The following AXIN2 variants were observed in gnomAD, a reference collection of about 807,000 sequenced individuals.
The protein encoded by AXIN2 is axin-2.
AXIN2 carries 21 observed loss-of-function variants against 74.7 expected under a neutral mutation model. The observed-to-expected ratio is 0.28, with a 90% CI of 0.20 to 0.40. AXIN2 has a LOEUF of 0.40. Ranked by LOEUF, AXIN2 falls within the 10% of genes least tolerant of loss-of-function variation. The probability of loss-of-function intolerance (pLI) is 1.00; values close to 1 mark genes in which losing one functional copy is unlikely to be tolerated. For synonymous variants in AXIN2, 532 were observed against 454.9 expected (o/e 1.17, Z -2.16); for missense variants, 1,144 against 1,111.1 (o/e 1.03, Z -0.42).
In AXIN2 at chr17:65,537,715, C is replaced by T. The variant is rs1555577991; in HGVS notation, c.1321G>A (p.Asp441Asn). Residue 441 changes from aspartate (D) to asparagine (N), a missense_variant, in exon 6 of 11, where the codon GAT becomes AAT. Transcript: ENST00000307078. ...YEEDPQTILD[D>N]HLSRVLKTPG... ...GTCTTGAGGACCCTGGACAGGTGATCGTCCAGTATCGTCTGCGGGTCTTCC... is the reference window on the plus strand; with the variant it reads ...GTCTTGAGGACCCTGGACAGGTGATTGTCCAGTATCGTCTGCGGGTCTTCC... The T allele has an allele frequency of 6.4e-7, 1 of 1,558,212 alleles. No individual in the cohort carries two copies. The highest frequency in any genetic ancestry group is 8.7e-7 in the Non-Finnish European group (1 of 1,151,262).
At chr17:65,538,149 A>G (rs763735512) in intron 5 of AXIN2, 54 bp downstream of exon 5, 16 of 1,613,160 alleles carry the variant, frequency 9.9e-6, no homozygotes, top group East Asian at 4.5e-5. Flanking sequence ...GCGCATACAC[A>G]TACGAGCGCT....
chr17:65,543,372 T>C (rs1246553812), intron 3 of AXIN2, among the ~76,000 whole-genome samples: 2 of 152,194 alleles, frequency 1.3e-5, no homozygotes, highest in Non-Finnish European at 2.9e-5. Context: ...ACTCTGTGTC[T>C]TCACCTTGGG....
intron 4 of AXIN2, among the ~76,000 whole-genome samples, chr17:65,538,739 A>C (rs1269504994): frequency 6.7e-6 from 1 of 148,654 alleles, no homozygotes; most frequent in Non-Finnish European, 1.5e-5. Flanking sequence ...GGAGAGACCA[A>C]CTCAAGGAAT....
In AXIN2 at chr17:65,558,043, G is replaced by A; in HGVS notation, c.578C>T (p.Ser193Phe). 6.2e-7 allele frequency: 1 copy of A among 1,614,070 alleles called. No homozygotes were observed. Among genetic ancestry groups the A allele is most frequent in the Non-Finnish European group, 8.5e-7 (1 of 1,180,030 alleles). The stretch of plus-strand genomic sequence containing the variant: ...CCTCACATATTCGAGGTATATATCA[G>A]AAGTCAAAAACATCTGGTAGGCATT... Reference protein sequence around the residue: ...EENAYQMFLTSDIYLEYVRSG... With the variant: ...EENAYQMFLTFDIYLEYVRSG... Residue 193 changes from serine (S) to phenylalanine (F), a missense_variant, in exon 2 of 11, where the codon TCT (serine) becomes TTT (phenylalanine). By Grantham distance (155) the Ser-to-Phe change is radical. Transcript: ENST00000307078.
chr17:65,540,283 C>T (rs1333371895), intron 4 of AXIN2, among the ~76,000 whole-genome samples: 1 of 152,160 alleles, frequency 6.6e-6, no homozygotes, highest in Non-Finnish European at 1.5e-5. Flanking sequence ...TATTCATTCA[C>T]TCAAATGTTT....
In AXIN2 at chr17:65,530,018, C is replaced by A; in HGVS notation, c.2490G>T (p.Met830Ile). Reference sequence around the variant, plus strand: ...CTTTGCCCAGAATCCGGCCTTCATACATCGGGAGCACCGTCTCATCCTCCC... The same window carrying A: ...CTTTGCCCAGAATCCGGCCTTCATAAATCGGGAGCACCGTCTCATCCTCCC... ...EIWEDETVLPMYEGRILGKVE... is the reference protein window; with the variant it reads ...EIWEDETVLPIYEGRILGKVE... The change falls in exon 11 of 11, where the codon ATG becomes ATT. Residue 830 changes from methionine (M) to isoleucine (I), a missense_variant. Transcript: ENST00000307078. 1 of 1,614,242 alleles carries A rather than the reference C, an allele frequency of 6.2e-7. No homozygotes were observed. The highest frequency in any genetic ancestry group is 8.5e-7 in the Non-Finnish European group (1 of 1,180,042).
intron 2 of AXIN2, among the ~76,000 whole-genome samples, chr17:65,553,850 G>C (rs867687746): frequency 2.1e-5 from 3 of 142,602 alleles, no homozygotes; most frequent in East Asian, 2.4e-4. Context: ...AAAAAGGCGG[G>C]GGGGGGGGGA....
rs2043781867 is a variant in AXIN2, at chr17:65,529,533, C to T, written c.*443G>A. ...AGTTTAGTCAGAACAATTAAAACTT[C>T]CTGTCTCCCCCTTCCAAGTTTAAAG... On this transcript the variant is annotated 3_prime_UTR_variant, in exon 11 of 11. Coordinates refer to ENST00000307078, the MANE Select transcript of AXIN2 (RefSeq NM_004655.4). 3.0e-6 allele frequency: 1 copy of T among 333,670 alleles called. No homozygotes were observed. Among genetic ancestry groups the T allele is most frequent in the East Asian group, 4.7e-5 (1 of 21,072 alleles). The allele number at this position is 333,670 out of a possible 1,614,324, so 20.7% of individuals were successfully genotyped here.
rs1358032988 is a variant in AXIN2 at position 65,537,838 on chromosome 17, G to A, written c.1201-3C>T. 1.9e-6 allele frequency: 3 copies of A among 1,546,632 alleles called. No homozygotes were observed. The highest frequency in any genetic ancestry group is 2.3e-5 in the East Asian group (1 of 43,426). Reference sequence around the variant, plus strand: ...TCGGAGCCCTCTCTCTCTTCATCCTGAAAGGGAAGACGTCAGAAGGAGAAG... The same window carrying A: ...TCGGAGCCCTCTCTCTCTTCATCCTAAAAGGGAAGACGTCAGAAGGAGAAG... On this transcript the variant is annotated splice_region_variant and splice_polypyrimidine_tract_variant and intron_variant, in intron 5 of 10. Coordinates refer to ENST00000307078, the MANE Select transcript of AXIN2 (RefSeq NM_004655.4).
Position 65,558,071 on chromosome 17 carries a change from C to T in AXIN2, c.550G>A (p.Glu184Lys), listed in dbSNP as rs538659423. 4 of 1,614,128 alleles carry T rather than the reference C, an allele frequency of 2.5e-6. No homozygotes were observed. The highest frequency in any genetic ancestry group is 2.2e-5 in the East Asian group (1 of 44,866). ...GTCAAAAACATCTGGTAGGCATTTTCCTCCATCACCGACTGGATCTCGGTC... is the reference window on the plus strand; with the variant it reads ...GTCAAAAACATCTGGTAGGCATTTTTCTCCATCACCGACTGGATCTCGGTC... Reference protein sequence around the residue: ...AQTEIQSVMEENAYQMFLTSD... With the variant: ...AQTEIQSVMEKNAYQMFLTSD... Residue 184 changes from glutamate (E) to lysine (K), a missense_variant, in exon 2 of 11, where the codon GAA (glutamate) becomes AAA (lysine). By Grantham distance (56) the Glu-to-Lys change is moderately conservative. Transcript: ENST00000307078.
chr17:65,535,767 C>T (rs1447017226), intron 8 of AXIN2, 46 bp from the exon 9 acceptor site: 1 of 1,543,802 alleles, frequency 6.5e-7, no homozygotes, highest in Non-Finnish European at 9.0e-7. Flanking sequence ...CACTGTTGTC[C>T]CCAGAGCAAT....
intron 1 of AXIN2, chr17:65,560,303 T>A (rs1225385578): frequency 6.6e-6 from 1 of 151,886 alleles, no homozygotes; most frequent in Non-Finnish European, 1.5e-5. Flanking sequence ...CTTGGGCCGG[T>A]CCTGCGCGCA....
chr17:65,538,933 G>C (rs532413473), intron 4 of AXIN2, among the ~76,000 whole-genome samples: 1 of 151,964 alleles, frequency 6.6e-6, no homozygotes, highest in African/African-American at 2.4e-5. Flanking sequence ...CACTGTCCTC[G>C]ATCTCCCTCG....
chr17:65,558,549 G>A lies in AXIN2; in HGVS notation c.72C>T (p.Pro24=), dbSNP rs1598120407. The change falls in exon 2 of 11, where the codon CCC becomes CCT. Residue 24 remains proline (P), a synonymous_variant. Transcript: ENST00000307078. ...SSSFREDAPR[P]PVPGEEGETP... ...TCTCCCCTTCTTCCCCTGGCACTGG[G>A]GGCCGCGGGGCATCCTCACGGAAGC... The A allele has an allele frequency of 2.5e-6, 4 of 1,613,422 alleles. No individual in the cohort carries two copies. The highest frequency in any genetic ancestry group is 2.5e-6 in the Non-Finnish European group (3 of 1,180,036).
chr17:65,556,120 G>A lies in AXIN2; in HGVS notation c.815+1686C>T, dbSNP rs113325216. Among the ~76,000 whole-genome samples, 417 of 152,216 alleles carry A rather than the reference G, an allele frequency of 2.7e-3. 3 individuals carry two copies. The highest frequency in any genetic ancestry group is 8.5e-3 in the African/African-American group (353 of 41,526). The stretch of plus-strand genomic sequence containing the variant: ...AGATGAGGCAAGCCCAGGCTGAGTC[G>A]CAACTGCCCACCCACAAAGGGGAGG... On this transcript the variant is annotated intron_variant, in intron 2 of 10. Coordinates refer to ENST00000307078, the MANE Select transcript of AXIN2 (RefSeq NM_004655.4).
chr17:65,535,966 G>C (rs1017250571), intron 8 of AXIN2, among the ~76,000 whole-genome samples: 1 of 152,188 alleles, frequency 6.6e-6, no homozygotes, highest in African/African-American at 2.4e-5. Flanking sequence ...GCAAAGGGCT[G>C]AGGACTCTTG....
chr17:65,551,820 G>A (rs2044197879), intron 2 of AXIN2, among the ~76,000 whole-genome samples: 1 of 152,230 alleles, frequency 6.6e-6, no homozygotes, highest in African/African-American at 2.4e-5. Context: ...GACTTGGCCA[G>A]AGGAGCCGGA....
chr17:65,529,381 T>G lies in AXIN2; in HGVS notation c.*595A>C, dbSNP rs2043779207. The G allele has an allele frequency of 8.3e-6, 2 of 241,852 alleles. No individual in the cohort carries two copies. The highest frequency in any genetic ancestry group is 1.6e-5 in the Non-Finnish European group (2 of 123,108). The allele number at this position is 241,852 out of a possible 1,614,324, so 15.0% of individuals were successfully genotyped here. On this transcript the variant is annotated 3_prime_UTR_variant, in exon 11 of 11. Transcript: ENST00000307078. The stretch of plus-strand genomic sequence containing the variant: ...CAAAACGCACCAATTTCTGCATGTG[T>G]CAATGGTAGGGCACCATTTTAAAAA...
At chr17:65,530,678 T>C (rs981054669) in intron 10 of AXIN2, among the ~76,000 whole-genome samples, 8 of 152,210 alleles carry the variant, frequency 5.3e-5, no homozygotes, top group African/African-American at 1.9e-4. Context: ...TGGATGGCCC[T>C]GGCACAGCCA....
Sources: gnomAD v4.1 joint callset for allele counts (sites outside exome capture counted in the v4.1 genomes callset) on GRCh38, gnomAD v4.1.1 for gene constraint, MANE v1.5 for transcripts, NCBI Gene and HGNC (gene_info 2026-07-23, HGNC 2026-07-21) for gene names.